The following SOD2 variants were observed in gnomAD, a reference collection of about 807,000 sequenced individuals.
SOD2 encodes superoxide dismutase 2.
SOD2 carries 11 observed loss-of-function variants against 27.0 expected under a neutral mutation model. The ratio of observed to expected loss-of-function variants is 0.41; its 90% CI spans 0.26 to 0.67. SOD2 has a LOEUF of 0.67. SOD2 is among the 30% of genes least tolerant of loss of function. The pLI is 0.34. For missense variants in SOD2, 250 were observed against 274.5 expected (o/e 0.91, Z 0.63); for synonymous variants, 105 against 103.0 (o/e 1.02, Z -0.12).
intron 4 of SOD2, among the ~76,000 whole-genome samples, chr6:159,683,411 G>C (rs1316747733): frequency 6.6e-6 from 1 of 152,118 alleles, no homozygotes; most frequent in East Asian, 1.9e-4. Context: ...CTTGAACCTG[G>C]GAGGCGGAAG....
At chr6:159,706,005 T>C (rs1445729120) in intron 1 of SOD2, among the ~76,000 whole-genome samples, 1 of 152,188 alleles carries the variant, frequency 6.6e-6, no homozygotes, top group Non-Finnish European at 1.5e-5. Flanking sequence ...GAATTTCATA[T>C]CCAGCCAAAC....
chr6:159,741,023 T>G (rs1363816846), intron 1 of SOD2, among the ~76,000 whole-genome samples: 2 of 152,196 alleles, frequency 1.3e-5, no homozygotes, highest in African/African-American at 4.8e-5. Context: ...TAATAACTCA[T>G]GACAAGCCTG....
Position 159,693,240 on chromosome 6 carries a change from G to A in SOD2, c.-73C>T, listed in dbSNP as rs1172634654. 5 of 1,407,098 alleles carry A rather than the reference G, an allele frequency of 3.6e-6. No homozygotes were observed. The highest frequency in any genetic ancestry group is 4.8e-6 in the Non-Finnish European group (5 of 1,038,334). 87.2% of individuals were successfully genotyped at this position (1,407,098 alleles called of 1,614,324 possible). A position where few individuals can be genotyped will look rare whatever the true frequency, so the allele number is the denominator to read the frequency against. ...GCTGCCGAAGCCACCACAGCCACGA[G>A]TGCCGCTCCTGCGCCGCCCGCGGGC... On this transcript the variant is annotated 5_prime_UTR_variant, in exon 1 of 5. Transcript: ENST00000538183.
intron 1 of SOD2, among the ~76,000 whole-genome samples, chr6:159,701,096 A>G (rs1777515517): frequency 6.6e-6 from 1 of 152,174 alleles, no homozygotes; most frequent in Non-Finnish European, 1.5e-5. Flanking sequence ...ACTGTGAGCA[A>G]TATAAATATA....
At chr6:159,714,800 G>A (rs1777896032) in intron 1 of SOD2, among the ~76,000 whole-genome samples, 1 of 152,142 alleles carries the variant, frequency 6.6e-6, no homozygotes, top group South Asian at 2.1e-4. Context: ...AGCAGTTACT[G>A]TCTAAAGGTT....
At chr6:159,737,923 T>C (rs897022671) in intron 1 of SOD2, among the ~76,000 whole-genome samples, 1 of 152,178 alleles carries the variant, frequency 6.6e-6, no homozygotes, top group Non-Finnish European at 1.5e-5. Context: ...TTGAAATAAT[T>C]ATAGATTCAT....
Position 159,693,240 on chromosome 6 carries a change from G to T in SOD2, c.-73C>A. 7.1e-7 allele frequency: 1 copy of T among 1,407,204 alleles called. No homozygotes were observed. The highest frequency in any genetic ancestry group is 9.6e-7 in the Non-Finnish European group (1 of 1,038,322). The allele number at this position is 1,407,204 out of a possible 1,614,324, so 87.2% of individuals were successfully genotyped here. ...GCTGCCGAAGCCACCACAGCCACGA[G>T]TGCCGCTCCTGCGCCGCCCGCGGGC... On this transcript the variant is annotated 5_prime_UTR_variant, in exon 1 of 5. Transcript: ENST00000538183.
chr6:159,704,385 G>A (rs780464334), intron 1 of SOD2, among the ~76,000 whole-genome samples: 2 of 152,208 alleles, frequency 1.3e-5, no homozygotes, highest in Non-Finnish European at 2.9e-5. Flanking sequence ...GCCAAGCAAA[G>A]CTGTGACAGA....
chr6:159,693,293 C>A (rs191268468), upstream of SOD2: 10 of 747,964 alleles, frequency 1.3e-5, no homozygotes, highest in East Asian at 3.6e-4. Flanking sequence ...AGCAGGGCCG[C>A]GACCCCAGCT....
Position 159,713,687 on chromosome 6 carries a change from A to G in SOD2, c.-116+13442T>C. 5 of 914,952 alleles carry G rather than the reference A, an allele frequency of 5.5e-6. No individual in the cohort carries two copies. In the South Asian group the frequency reaches 5.5e-5, roughly 10 times the overall value. The allele number at this position is 914,952 out of a possible 1,614,324, so 56.7% of individuals were successfully genotyped here. ...AGCCATCGTTGGCAGTATCAGGACT[A>G]TTCAGACCTGTGTGCTTCGATACCC... On this transcript the variant is annotated intron_variant, in intron 1 of 2. Coordinates refer to the SOD2 transcript ENST00000401980.
Position 159,681,277 on chromosome 6 carries a change from TAAGC to T in SOD2, c.*1212_*1215del, listed in dbSNP as rs1159575187. The T allele has an allele frequency of 7.2e-5, 11 of 151,766 alleles. No individual in the cohort carries two copies. Among genetic ancestry groups the T allele is most frequent in the Non-Finnish European group, 1.3e-4 (9 of 67,966 alleles). 9.4% of individuals were successfully genotyped at this position (151,766 alleles called of 1,614,324 possible). ...CCCGAGAAGGAAACCAGCAAGCTGA[TAAGC>T]AAGAAGGTCATAACAGTTTCAAACA... On this transcript the variant is annotated 3_prime_UTR_variant, in exon 5 of 5. Coordinates refer to ENST00000538183, the MANE Select transcript of SOD2 (RefSeq NM_000636.4).
At chr6:159,685,920 T>G (rs1243929098) in intron 3 of SOD2, among the ~76,000 whole-genome samples, 1 of 152,188 alleles carries the variant, frequency 6.6e-6, no homozygotes, top group Non-Finnish European at 1.5e-5. Flanking sequence ...CTACTTTCTG[T>G]TAGCTTTTTC....
In SOD2 at chr6:159,671,643, A is replaced by G. The variant is rs1199268964; in HGVS notation, c.*10850T>C. On this transcript the variant is annotated 3_prime_UTR_variant, in exon 5 of 5. Transcript: ENST00000538183. ...TAGATAAAACCACAAAGATGGGGAA[A>G]AAACAGAGCAGAAAAGCTGAAAATT... 6.6e-6 allele frequency: 1 copy of G among 152,230 alleles called. No homozygotes were observed. The highest frequency in any genetic ancestry group is 2.4e-5 in the African/African-American group (1 of 41,454). The allele number at this position is 152,230 out of a possible 1,614,324, so 9.4% of individuals were successfully genotyped here. A position where few individuals can be genotyped will look rare whatever the true frequency, so the allele number is the denominator to read the frequency against.
chr6:159,691,526 T>C (rs1394137050), intron 2 of SOD2: 1 of 152,228 alleles, frequency 6.6e-6, no homozygotes, highest in Non-Finnish European at 1.5e-5. Flanking sequence ...CATTTTTTAC[T>C]ACGTAGCTTA....
chr6:159,721,741 G>A (rs968944341), intron 1 of SOD2, among the ~76,000 whole-genome samples: 1 of 132,268 alleles, frequency 7.6e-6, no homozygotes. Context: ...TTGCCAGGTT[G>A]GTCTTGAACT....
At chr6:159,702,790 C>A (rs919576806) in intron 1 of SOD2, among the ~76,000 whole-genome samples, 3 of 128,340 alleles carry the variant, frequency 2.3e-5, no homozygotes, top group Non-Finnish European at 4.7e-5. Flanking sequence ...GCAGAGGATG[C>A]AGTATGTTGT....
At position 159,750,623 on chromosome 6, in the gene SOD2, G is replaced by GT. The variant is rs1438024723; in HGVS notation, c.-335-1948dup. Among the ~76,000 whole-genome samples the GT allele has an allele frequency of 8.0e-5, 12 of 150,846 alleles. No individual in the cohort carries two copies. The South Asian group carries it at 8.4e-4, about 11-fold the overall frequency. On this transcript the variant is annotated intron_variant, in intron 1 of 7. Coordinates refer to the SOD2 transcript ENST00000546087. ...CATAAACACAGATGAGTTGCACCTTGTTTTTTTTTACTTGGTCTCTTTGGC... is the reference window on the plus strand; with the variant it reads ...CATAAACACAGATGAGTTGCACCTTGTTTTTTTTTTACTTGGTCTCTTTGGC...
intron 1 of SOD2, among the ~76,000 whole-genome samples, chr6:159,720,769 T>C (rs571784925): frequency 1.3e-5 from 2 of 152,018 alleles, no homozygotes; most frequent in East Asian, 3.9e-4. Context: ...TGTCCCACTA[T>C]TACTGATACT....
intron 1 of SOD2, among the ~76,000 whole-genome samples, chr6:159,736,948 C>A (rs1778959593): frequency 6.6e-6 from 1 of 152,160 alleles, no homozygotes; most frequent in South Asian, 2.1e-4. Flanking sequence ...TTAGATATTA[C>A]AGAAGTTTCC....
Sources: allele counts gnomAD v4.1 joint callset (sites outside exome capture counted in the v4.1 genomes callset), GRCh38; gene constraint gnomAD v4.1.1; transcripts MANE v1.5; gene names NCBI Gene and HGNC (gene_info 2026-07-23, HGNC 2026-07-21).